The following AGAP1 variants were observed in gnomAD, a reference collection of about 807,000 sequenced individuals.
The protein encoded by AGAP1 is ArfGAP with GTPase domain, ankyrin repeat and PH domain 1.
Under a neutral mutation model 105.3 loss-of-function variants are expected in AGAP1, and 29 were observed. The observed-to-expected ratio is 0.28, with a 90% CI of 0.21 to 0.38. AGAP1 has a LOEUF of 0.38. Among genes scored for constraint, AGAP1 ranks in the 10% least tolerant of loss-of-function variants. The pLI is 1.00. For missense variants in AGAP1, 998 were observed against 1,165.1 expected (o/e 0.86, Z 2.09); for synonymous variants, 509 against 485.9 (o/e 1.05, Z -0.63).
rs533334544 is a variant in AGAP1 at position 235,886,114 on chromosome 2, G to A, written c.1155+2665G>A. ...AACAGCGAGGCACCAGGTCTTCCCT[G>A]GATTCTCTCTGCAAAGTTGCTCCAT... is the stretch of plus-strand genomic sequence containing the variant. On this transcript the variant is annotated intron_variant, in intron 10 of 17. Coordinates refer to ENST00000304032, the MANE Select transcript of AGAP1 (RefSeq NM_001037131.3). Among the ~76,000 whole-genome samples, 5 of 152,252 alleles carry A rather than the reference G, an allele frequency of 3.3e-5. No individual in the cohort carries two copies. In the East Asian group the frequency reaches 9.7e-4, roughly 29 times the overall value.
rs1189347922 is a variant in AGAP1 at position 235,867,828 on chromosome 2, A to G, written c.1051-15517A>G. ...GGGGGAAGAATAGGTCACAGCTTGT[A>G]TGACCCGTGTGCTTCTCCAGTTTCC... On this transcript the variant is annotated intron_variant, in intron 9 of 17. Coordinates refer to ENST00000304032, the MANE Select transcript of AGAP1 (RefSeq NM_001037131.3). This position sits in a 1 kb window ranked among gnomAD's most constrained non-coding sequence, Gnocchi z 5.4. Among the ~76,000 whole-genome samples the G allele has an allele frequency of 2.0e-5, 3 of 152,124 alleles. No homozygotes were observed. Among genetic ancestry groups the G allele is most frequent in the Admixed American group, 2.0e-4 (3 of 15,272 alleles).
In AGAP1 at chr2:235,962,358, C is replaced by T. The variant is rs755334944; in HGVS notation, c.1484-6104C>T. Among the ~76,000 whole-genome samples the T allele has an allele frequency of 6.6e-6, 1 of 152,044 alleles. No individual in the cohort carries two copies. Among genetic ancestry groups the T allele is most frequent in the Non-Finnish European group, 1.5e-5 (1 of 68,010 alleles). The stretch of plus-strand genomic sequence containing the variant: ...GTCAGTGAAGTTGGGGCTTCCTACT[C>T]AGGAGAGATGGTGGGAGAAGGGAAA... On this transcript the variant is annotated intron_variant, in intron 12 of 17. Transcript: ENST00000304032. This position sits in a 1 kb window ranked among gnomAD's most constrained non-coding sequence, Gnocchi z 5.3.
At position 235,559,402 on chromosome 2, in the gene AGAP1, C is replaced by T. The variant is rs112708092; in HGVS notation, c.163+64553C>T. ...GGCGTCTGTGATGAGCGCCTGCAGA[C>T]GCTGGTGGGTGCTTGCCGTGTGCCA... On this transcript the variant is annotated intron_variant, in intron 1 of 17. Coordinates refer to ENST00000304032, the MANE Select transcript of AGAP1 (RefSeq NM_001037131.3). The surrounding 1 kb of genome is among the most constrained non-coding windows in gnomAD (Gnocchi z 5.7). 0.066 allele frequency among the ~76,000 whole-genome samples: 10,021 copies of T among 152,258 alleles called. 453 individuals are homozygous for T. Among genetic ancestry groups the T allele is most frequent in the South Asian group, 0.18 (848 of 4,818 alleles).
At chr2:235,683,291 G>C (rs1159643998) in intron 1 of AGAP1, among the ~76,000 whole-genome samples, 3 of 152,112 alleles carry the variant, frequency 2.0e-5, no homozygotes, top group African/African-American at 7.2e-5. Context: ...GGGCAACAGA[G>C]TGAGACTCCA....
chr2:235,660,808 G>A lies in AGAP1; in HGVS notation c.164-48371G>A, dbSNP rs1367040599. Among the ~76,000 whole-genome samples, 1 of 152,134 alleles carries A rather than the reference G, an allele frequency of 6.6e-6. No individual in the cohort carries two copies. The highest frequency in any genetic ancestry group is 2.4e-5 in the African/African-American group (1 of 41,410). On this transcript the variant is annotated intron_variant, in intron 1 of 17. Transcript: ENST00000304032. The surrounding 1 kb of genome is among the most constrained non-coding windows in gnomAD (Gnocchi z 5.3). ...CCATACATCATCACATCTTATTGTCGCAGCTACCGTATTGTTCTTGTCCCG... is the reference window on the plus strand; with the variant it reads ...CCATACATCATCACATCTTATTGTCACAGCTACCGTATTGTTCTTGTCCCG...
In AGAP1 at chr2:235,736,595, G is replaced by GA. The variant is rs1036651381; in HGVS notation, c.311-4362dup. 3.3e-5 allele frequency among the ~76,000 whole-genome samples: 5 copies of GA among 152,082 alleles called. No individual in the cohort carries two copies. Among genetic ancestry groups the GA allele is most frequent in the Non-Finnish European group, 7.4e-5 (5 of 68,004 alleles). The stretch of plus-strand genomic sequence containing the variant: ...GATGGTATCCTCTAAAATTCTGGTG[G>GA]AAAAAAGATCTCCCTTTGGGAGGCT... On this transcript the variant is annotated intron_variant, in intron 3 of 17. Transcript: ENST00000304032. The surrounding 1 kb of genome is among the most constrained non-coding windows in gnomAD (Gnocchi z 5.5).
At chr2:235,907,208 C>G (rs1275758408) in intron 10 of AGAP1, among the ~76,000 whole-genome samples, 3 of 152,228 alleles carry the variant, frequency 2.0e-5, no homozygotes, top group African/African-American at 7.2e-5. Context: ...AACTATCTCT[C>G]TGCATCGGGT....
At chr2:236,074,680 C>G (rs998631552) in intron 16 of AGAP1, among the ~76,000 whole-genome samples, 3 of 152,154 alleles carry the variant, frequency 2.0e-5, no homozygotes, top group African/African-American at 7.2e-5. Flanking sequence ...GCAAAGCACA[C>G]TCAGATTTGG....
chr2:235,656,986 G>T (rs1051791498), intron 1 of AGAP1, among the ~76,000 whole-genome samples: 1 of 152,178 alleles, frequency 6.6e-6, no homozygotes, highest in Non-Finnish European at 1.5e-5. Context: ...GATTTTAAAT[G>T]AATCCAATTA....
Position 235,740,620 on chromosome 2 carries a change from A to G in AGAP1, c.311-343A>G, listed in dbSNP as rs1407727274. ...TTGTTTCAGTTTTGTGAACCCAACA[A>G]GAGAATGACAATTTTAATGTTCTCT... On this transcript the variant is annotated intron_variant, in intron 3 of 17. Coordinates refer to ENST00000304032, the MANE Select transcript of AGAP1 (RefSeq NM_001037131.3). The surrounding 1 kb of genome is among the most constrained non-coding windows in gnomAD (Gnocchi z 5.7). Among the ~76,000 whole-genome samples, 5 of 152,236 alleles carry G rather than the reference A, an allele frequency of 3.3e-5. No homozygotes were observed. Among genetic ancestry groups the G allele is most frequent in the Non-Finnish European group, 7.3e-5 (5 of 68,044 alleles).
At chr2:235,918,034 CTG>C (rs770475074) in intron 11 of AGAP1, among the ~76,000 whole-genome samples, 19 of 152,220 alleles carry the variant, frequency 1.2e-4, no homozygotes, top group Non-Finnish European at 7.3e-5. Flanking sequence ...TATAATAACT[CTG>C]GAGTCCGGAG....
rs556179785 is a variant in AGAP1 at position 235,994,789 on chromosome 2, G to A, written c.1645+26166G>A. Among the ~76,000 whole-genome samples the A allele has an allele frequency of 1.0e-4, 15 of 150,540 alleles. No homozygotes were observed. Among genetic ancestry groups the A allele is most frequent in the South Asian group, 2.1e-4 (1 of 4,764 alleles). On this transcript the variant is annotated intron_variant, in intron 13 of 17. Transcript: ENST00000304032. This position sits in a 1 kb window ranked among gnomAD's most constrained non-coding sequence, Gnocchi z 4.4. ...TTTTAAACTAAAATTAGAATAGGCCGGGCCCAATGGCTCACACCTGTAATC... is the reference window on the plus strand; with the variant it reads ...TTTTAAACTAAAATTAGAATAGGCCAGGCCCAATGGCTCACACCTGTAATC...
At chr2:235,696,429 G>C (rs1950000491) in intron 1 of AGAP1, among the ~76,000 whole-genome samples, 2 of 152,170 alleles carry the variant, frequency 1.3e-5, no homozygotes, top group Admixed American at 1.3e-4. Context: ...TGAGGTCCCA[G>C]GGTGCACAGT....
At chr2:235,915,917 T>C (rs2051856530) in intron 11 of AGAP1, among the ~76,000 whole-genome samples, 2 of 151,928 alleles carry the variant, frequency 1.3e-5, no homozygotes, top group Non-Finnish European at 1.5e-5. Context: ...ACACCAAAAA[T>C]AGGAGAACAA....
Position 235,905,490 on chromosome 2 carries a change from C to T in AGAP1, c.1156-3248C>T, listed in dbSNP as rs1399705393. 1.3e-5 allele frequency among the ~76,000 whole-genome samples: 2 copies of T among 152,046 alleles called. No homozygotes were observed. Among genetic ancestry groups the T allele is most frequent in the Admixed American group, 6.6e-5 (1 of 15,264 alleles). ...CTCACCACTCTACGGTGTGCTTTTCCTTTCTTTTCTCTTTTCTTTTCTTTT... is the reference window on the plus strand; with the variant it reads ...CTCACCACTCTACGGTGTGCTTTTCTTTTCTTTTCTCTTTTCTTTTCTTTT... On this transcript the variant is annotated intron_variant, in intron 10 of 17. Coordinates refer to ENST00000304032, the MANE Select transcript of AGAP1 (RefSeq NM_001037131.3). The surrounding 1 kb of genome is among the most constrained non-coding windows in gnomAD (Gnocchi z 4.2).
rs1438662997 is a variant in AGAP1 at position 235,777,447 on chromosome 2, T to C, written c.674-20312T>C. ...AAGAATTACAGGTGTGAAGCGCCCG[T>C]GTGGGGCTGATTCCCACCTGCCTCC... is the stretch of plus-strand genomic sequence containing the variant. On this transcript the variant is annotated intron_variant, in intron 6 of 17. Transcript: ENST00000304032. This position sits in a 1 kb window ranked among gnomAD's most constrained non-coding sequence, Gnocchi z 5.1. Among the ~76,000 whole-genome samples, 2 of 152,366 alleles carry C rather than the reference T, an allele frequency of 1.3e-5. No individual in the cohort carries two copies. Among genetic ancestry groups the C allele is most frequent in the East Asian group, 3.9e-4 (2 of 5,190 alleles).
At chr2:235,564,124 T>C (rs959768011) in intron 1 of AGAP1, among the ~76,000 whole-genome samples, 1 of 152,196 alleles carries the variant, frequency 6.6e-6, no homozygotes, top group Non-Finnish European at 1.5e-5. Context: ...CGTTTTTTCT[T>C]TAGTCCACAC....
chr2:235,876,061 A>C (rs1451627255), intron 9 of AGAP1, among the ~76,000 whole-genome samples: 1 of 152,200 alleles, frequency 6.6e-6, no homozygotes, highest in East Asian at 1.9e-4. Context: ...ACTTGTTTCC[A>C]GGGTAAGGGG....
In AGAP1 at chr2:236,096,509, A is replaced by AT. The variant is rs1342229490; in HGVS notation, c.2115-23683_2115-23682insT. 6.6e-6 allele frequency among the ~76,000 whole-genome samples: 1 copy of AT among 152,028 alleles called. No homozygotes were observed. Among genetic ancestry groups the AT allele is most frequent in the African/African-American group, 2.4e-5 (1 of 41,392 alleles). ...GAGTGAGCCTCCATCTCAAAAAAAA[A>AT]AAAGCTTCTGGAATGTCATCAGTTA... On this transcript the variant is annotated intron_variant, in intron 16 of 17. Coordinates refer to ENST00000304032, the MANE Select transcript of AGAP1 (RefSeq NM_001037131.3). This position sits in a 1 kb window ranked among gnomAD's most constrained non-coding sequence, Gnocchi z 4.4.
Sources: allele counts gnomAD v4.1 joint callset (sites outside exome capture counted in the v4.1 genomes callset), GRCh38; gene constraint gnomAD v4.1.1; non-coding constraint Gnocchi (gnomAD v3.1); transcripts MANE v1.5; gene names NCBI Gene and HGNC (gene_info 2026-07-23, HGNC 2026-07-21).